The following RIMS3 variants were observed in gnomAD, a reference collection of about 807,000 sequenced individuals.
RIMS3 encodes the protein regulating synaptic membrane exocytosis 3, also known as regulating synaptic membrane exocytosis protein 3.
In RIMS3, 15 loss-of-function variants were observed where a neutral mutation model predicts 29.2. That is an observed-to-expected ratio of 0.51 (90% confidence interval 0.34 to 0.79). RIMS3 has a LOEUF of 0.79. Among genes scored for constraint, RIMS3 ranks in the 30% least tolerant of loss-of-function variants. The probability of loss-of-function intolerance (pLI) is 0.01; values close to 1 mark genes in which losing one functional copy is unlikely to be tolerated. For missense variants in RIMS3, 342 were observed against 421.4 expected (o/e 0.81, Z 1.65); for synonymous variants, 161 against 170.1 (o/e 0.95, Z 0.41).
At chr1:40,645,714 C>G (rs1279989711) in intron 2 of RIMS3, among the ~76,000 whole-genome samples, 3 of 152,152 alleles carry the variant, frequency 2.0e-5, no homozygotes, top group South Asian at 2.1e-4. Context: ...GTACCACCCC[C>G]AGGGGGTGAA....
At position 40,635,277 on chromosome 1, in the gene RIMS3, T is replaced by G. The variant is rs913735498; in HGVS notation, c.359+639A>C. ...AACCAGTGACTTTCAGATTTTTTAA[T>G]GCAACCTACATGTAAGAAAGGAGAT... On this transcript the variant is annotated intron_variant, in intron 4 of 7. Coordinates refer to ENST00000372684, the MANE Select transcript of RIMS3 (RefSeq NM_014747.3). This position sits in a 1 kb window ranked among gnomAD's most constrained non-coding sequence, Gnocchi z 4.1. Among the ~76,000 whole-genome samples, 6 of 152,220 alleles carry G rather than the reference T, an allele frequency of 3.9e-5. No individual in the cohort carries two copies. The highest frequency in any genetic ancestry group is 8.8e-5 in the Non-Finnish European group (6 of 68,034).
chr1:40,637,309 C>T (rs991294992), intron 3 of RIMS3, among the ~76,000 whole-genome samples: 1 of 152,142 alleles, frequency 6.6e-6, no homozygotes, highest in African/African-American at 2.4e-5. Context: ...AGAAAGTCCC[C>T]ACTGGAGGAG....
At chr1:40,645,041 G>A (rs1011414920) in intron 2 of RIMS3, among the ~76,000 whole-genome samples, 1 of 152,186 alleles carries the variant, frequency 6.6e-6, no homozygotes, top group African/African-American at 2.4e-5. Context: ...ATGAATTAAC[G>A]CCTCATTTTG....
At chr1:40,637,963 A>G (rs1646531522) in intron 3 of RIMS3, among the ~76,000 whole-genome samples, 1 of 152,160 alleles carries the variant, frequency 6.6e-6, no homozygotes, top group Non-Finnish European at 1.5e-5. Flanking sequence ...ACACAGCCTG[A>G]GTTGGGGTCA....
At position 40,620,836 on chromosome 1, in the gene RIMS3, C is replaced by G. The variant is rs968595106; in HGVS notation, c.*5681G>C. 1 of 152,656 alleles carries G rather than the reference C, an allele frequency of 6.6e-6. No individual in the cohort carries two copies. The highest frequency in any genetic ancestry group is 2.4e-5 in the African/African-American group (1 of 41,442). The allele number at this position is 152,656 out of a possible 1,614,324, so 9.5% of individuals were successfully genotyped here. On this transcript the variant is annotated 3_prime_UTR_variant, in exon 8 of 8. Transcript: ENST00000372684. ...TGCACCTGCCACCCGGGAACCACAA[C>G]AAGTTAGGAAAGATGCTGCACATAG...
the RIMS3 span, among the ~76,000 whole-genome samples, chr1:40,686,131 A>T: frequency 6.6e-6 from 1 of 152,022 alleles, no homozygotes; most frequent in Non-Finnish European, 1.5e-5. Flanking sequence ...CCTGGGTGAC[A>T]AGAGCGAAAC....
chr1:40,657,668 G>A (rs1220849227), intron 1 of RIMS3, among the ~76,000 whole-genome samples: 1 of 150,116 alleles, frequency 6.7e-6, no homozygotes, highest in Non-Finnish European at 1.5e-5. Flanking sequence ...GATTACCTGA[G>A]CCCAGGAGTT....
intron 1 of RIMS3, among the ~76,000 whole-genome samples, chr1:40,648,331 G>C (rs1289938422): frequency 6.6e-6 from 1 of 152,150 alleles, no homozygotes; most frequent in Non-Finnish European, 1.5e-5. Flanking sequence ...TCACCACCTG[G>C]GCCCTCCCTG....
upstream of RIMS3, chr1:40,665,710 G>T: frequency 6.5e-6 from 1 of 152,970 alleles, no homozygotes; most frequent in South Asian, 1.9e-4. Context: ...GGAGGCGAAG[G>T]GGAGGCGGGG....
At chr1:40,661,674 G>T (rs1178522372) in intron 1 of RIMS3, among the ~76,000 whole-genome samples, 1 of 152,230 alleles carries the variant, frequency 6.6e-6, no homozygotes, top group Non-Finnish European at 1.5e-5. Context: ...TGGTTTCCAT[G>T]TGGAATTTCA....
the RIMS3 span, among the ~76,000 whole-genome samples, chr1:40,673,826 C>G: frequency 4.0e-5 from 6 of 151,744 alleles, no homozygotes; most frequent in Non-Finnish European, 7.4e-5. Flanking sequence ...CCCTGCTGTG[C>G]TGTTTATTAT....
the RIMS3 span, among the ~76,000 whole-genome samples, chr1:40,677,478 C>T: frequency 6.6e-6 from 1 of 151,358 alleles, no homozygotes; most frequent in African/African-American, 2.4e-5. Context: ...GCAGGCGGAT[C>T]ACGAGGTCAG....
chr1:40,635,302 T>C lies in RIMS3; in HGVS notation c.359+614A>G, dbSNP rs1646512491. Among the ~76,000 whole-genome samples, 1 of 152,138 alleles carries C rather than the reference T, an allele frequency of 6.6e-6. No individual in the cohort carries two copies. Among genetic ancestry groups the C allele is most frequent in the Non-Finnish European group, 1.5e-5 (1 of 68,018 alleles). On this transcript the variant is annotated intron_variant, in intron 4 of 7. Transcript: ENST00000372684. The surrounding 1 kb of genome is among the most constrained non-coding windows in gnomAD (Gnocchi z 4.1). Reference sequence around the variant, plus strand: ...TGCAACCTACATGTAAGAAAGGAGATTTAACATCATGACCCAGGACAGACC... The same window carrying C: ...TGCAACCTACATGTAAGAAAGGAGACTTAACATCATGACCCAGGACAGACC...
the RIMS3 span, chr1:40,690,406 T>C: frequency 5.9e-5 from 9 of 152,076 alleles, 1 homozygote; most frequent in Admixed American, 5.9e-4. Context: ...CTGTCGCCCA[T>C]GCTAGAGTGC....
intron 3 of RIMS3, among the ~76,000 whole-genome samples, chr1:40,640,427 G>A (rs1397879947): frequency 1.3e-5 from 2 of 152,074 alleles, no homozygotes; most frequent in Non-Finnish European, 2.9e-5. Context: ...TGCTACTGTC[G>A]ACGGCTTTGT....
At chr1:40,669,202 C>T (rs142318793), upstream of RIMS3, 2 of 152,350 alleles carry the variant, frequency 1.3e-5, no homozygotes, top group East Asian at 3.9e-4. Context: ...TTGTGTTAAA[C>T]ACTTAACCTA....
intron 3 of RIMS3, among the ~76,000 whole-genome samples, chr1:40,637,463 A>G (rs1442062247): frequency 2.0e-5 from 3 of 152,120 alleles, no homozygotes; most frequent in Admixed American, 2.0e-4. Flanking sequence ...TCAGGAATCC[A>G]TGACACCATC....
At position 40,625,338 on chromosome 1, in the gene RIMS3, G is replaced by A. The variant is rs1444188015; in HGVS notation, c.*1179C>T. On this transcript the variant is annotated 3_prime_UTR_variant, in exon 8 of 8. Transcript: ENST00000372684. ...TTGCTTAGACAGAGCTGGTGATGGT[G>A]GCAGACGAGAGTCCGGAGCCAGGCT... The A allele has an allele frequency of 6.5e-6, 1 of 152,748 alleles. No homozygotes were observed. Among genetic ancestry groups the A allele is most frequent in the Non-Finnish European group, 1.5e-5 (1 of 68,148 alleles). 9.5% of individuals were successfully genotyped at this position (152,748 alleles called of 1,614,324 possible).
chr1:40,691,565 C>T, the RIMS3 span: 8 of 314,172 alleles, frequency 2.5e-5, no homozygotes. Context: ...GGGGTTAAAA[C>T]TCTCAGATCT....
Sources: gnomAD v4.1 joint callset for allele counts (sites outside exome capture counted in the v4.1 genomes callset) on GRCh38, gnomAD v4.1.1 for gene constraint, Gnocchi (gnomAD v3.1) non-coding constraint, MANE v1.5 for transcripts, NCBI Gene and HGNC (gene_info 2026-07-23, HGNC 2026-07-21) for gene names.